SV2C: variants seen among roughly 807,000 people sequenced by gnomAD.
SV2C encodes synaptic vesicle glycoprotein 2C, also known as solute carrier family 22 member B3.
SV2C carries 49 observed loss-of-function variants against 79.7 expected under a neutral mutation model. The ratio of observed to expected loss-of-function variants is 0.61; its 90% CI spans 0.49 to 0.78. SV2C has a LOEUF of 0.78. SV2C is among the 30% of genes least tolerant of loss of function. SV2C has a pLI of 0.00. For missense variants in SV2C, 833 were observed against 912.9 expected (o/e 0.91, Z 1.13); for synonymous variants, 334 against 333.2 (o/e 1.00, Z -0.03).
chr5:76,294,675 A>G (rs1438307524), intron 8 of SV2C, among the ~76,000 whole-genome samples: 1 of 152,126 alleles, frequency 6.6e-6, no homozygotes, highest in Non-Finnish European at 1.5e-5. Context: ...ATCCTGTGGT[A>G]TTTTATATTT....
chr5:75,895,753 A>C, the SV2C span, among the ~76,000 whole-genome samples: 1 of 152,012 alleles, frequency 6.6e-6, no homozygotes, highest in Non-Finnish European at 1.5e-5. Context: ...GGGTGATGTG[A>C]GAGTAGAGAA....
At chr5:75,970,934 T>C in the SV2C span, among the ~76,000 whole-genome samples, 5 of 152,072 alleles carry the variant, frequency 3.3e-5, no homozygotes, top group Admixed American at 2.0e-4. Context: ...AATAAAATAC[T>C]GGCAAACCGA....
At chr5:76,022,226 G>C in the SV2C span, among the ~76,000 whole-genome samples, 1 of 152,176 alleles carries the variant, frequency 6.6e-6, no homozygotes, top group Non-Finnish European at 1.5e-5. Flanking sequence ...TGCATCAACA[G>C]ATGCCCTCTT....
chr5:75,910,290 T>C, the SV2C span: 1 of 507,538 alleles, frequency 2.0e-6, no homozygotes, highest in Non-Finnish European at 3.9e-6. Flanking sequence ...TAGTTTTCCA[T>C]GGTCCTCACA....
the SV2C span, among the ~76,000 whole-genome samples, chr5:76,041,872 A>T: frequency 6.6e-6 from 1 of 152,160 alleles, no homozygotes; most frequent in East Asian, 1.9e-4. Flanking sequence ...GCTGCACCAC[A>T]GGACTTCGAG....
chr5:76,051,377 T>C, the SV2C span, among the ~76,000 whole-genome samples: 4 of 152,200 alleles, frequency 2.6e-5, no homozygotes, highest in African/African-American at 9.6e-5. Flanking sequence ...AAAGTATGTG[T>C]CATATAGATG....
Position 76,295,827 on chromosome 5 carries a change from T to C in SV2C, c.1387T>C (p.Ser463Pro), listed in dbSNP as rs1223819176. 6.2e-7 allele frequency: 1 copy of C among 1,613,374 alleles called. No homozygotes were observed. The highest frequency in any genetic ancestry group is 8.5e-7 in the Non-Finnish European group (1 of 1,179,762). The change falls in exon 9 of 13, where the codon TCC becomes CCC. Residue 463 changes from serine to proline, a missense_variant. By Grantham distance (74) the Ser-to-Pro change is moderately conservative. Transcript: ENST00000502798. ...CCCTGATGTCATTAAACCTCTGCAGTCCGATGAATATGCATTGCTAACCAG... is the reference window on the plus strand; with the variant it reads ...CCCTGATGTCATTAAACCTCTGCAGCCCGATGAATATGCATTGCTAACCAG... ...WFPDVIKPLQSDEYALLTRNV... is the reference protein window; with the variant it reads ...WFPDVIKPLQPDEYALLTRNV...
intron 2 of SV2C, among the ~76,000 whole-genome samples, chr5:76,146,808 A>C (rs1316660826): frequency 4.0e-5 from 6 of 149,790 alleles, no homozygotes; most frequent in African/African-American, 1.5e-4. Context: ...AAAAAAAAAA[A>C]AAAAAAAAAA....
At chr5:76,349,555 T>C (rs1265909987) in intron 12 of SV2C, among the ~76,000 whole-genome samples, 2 of 152,000 alleles carry the variant, frequency 1.3e-5, no homozygotes, top group Admixed American at 6.6e-5. Flanking sequence ...ACCAAAGACA[T>C]GTATATTTTA....
chr5:76,116,613 T>A (rs1005680359), intron 1 of SV2C, among the ~76,000 whole-genome samples: 1 of 152,176 alleles, frequency 6.6e-6, no homozygotes, highest in Non-Finnish European at 1.5e-5. Flanking sequence ...TGACTTTGAG[T>A]GGTCATTACC....
At chr5:76,222,843 C>T (rs535783810) in intron 4 of SV2C, among the ~76,000 whole-genome samples, 37 of 152,098 alleles carry the variant, frequency 2.4e-4, no homozygotes, top group Non-Finnish European at 4.6e-4. Flanking sequence ...CTATTACTAC[C>T]CTTTTTTGAA....
the SV2C span, among the ~76,000 whole-genome samples, chr5:76,015,090 A>G: frequency 6.6e-6 from 1 of 152,154 alleles, no homozygotes; most frequent in Non-Finnish European, 1.5e-5. Context: ...AAGGCTGTGT[A>G]GAGAAATGAT....
chr5:76,073,771 G>T, the SV2C span, among the ~76,000 whole-genome samples: 7 of 151,888 alleles, frequency 4.6e-5, no homozygotes, highest in Non-Finnish European at 1.0e-4. Flanking sequence ...GGCGGTGAGA[G>T]ATAAAAGACT....
intron 4 of SV2C, among the ~76,000 whole-genome samples, chr5:76,255,036 C>A (rs1231518440): frequency 6.6e-6 from 1 of 152,088 alleles, no homozygotes; most frequent in Non-Finnish European, 1.5e-5. Flanking sequence ...TCAGGAAATA[C>A]TCTGTTAACC....
At chr5:75,883,603 C>G in the SV2C span, among the ~76,000 whole-genome samples, 1 of 143,748 alleles carries the variant, frequency 7.0e-6, no homozygotes, top group Admixed American at 7.0e-5. Flanking sequence ...AACCCAACAC[C>G]GCATATTCTC....
chr5:75,905,462 T>C, the SV2C span, among the ~76,000 whole-genome samples: 2 of 152,222 alleles, frequency 1.3e-5, no homozygotes, highest in African/African-American at 4.8e-5. Context: ...TAGCAGCTTC[T>C]TTGGCTGGCT....
At chr5:75,906,084 G>C in the SV2C span, among the ~76,000 whole-genome samples, 1 of 151,782 alleles carries the variant, frequency 6.6e-6, no homozygotes, top group African/African-American at 2.4e-5. Context: ...AAGGACTGCT[G>C]GTAACTACCA....
the SV2C span, among the ~76,000 whole-genome samples, chr5:75,926,309 T>G: frequency 2.6e-5 from 4 of 152,186 alleles, no homozygotes; most frequent in African/African-American, 9.6e-5. Context: ...TTCAGTTCAT[T>G]TCAATGAAAA....
intron 4 of SV2C, among the ~76,000 whole-genome samples, chr5:76,264,986 C>G (rs1036148924): frequency 1.3e-5 from 2 of 152,208 alleles, no homozygotes; most frequent in African/African-American, 4.8e-5. Context: ...CCTTCCTTGT[C>G]AGGATCTGCT....
Sources: gnomAD v4.1 joint callset for allele counts (sites outside exome capture counted in the v4.1 genomes callset) on GRCh38, gnomAD v4.1.1 for gene constraint, MANE v1.5 for transcripts, NCBI Gene and HGNC (gene_info 2026-07-23, HGNC 2026-07-21) for gene names.